Variants in CSGALNACT1 observed in about 807,000 individuals in gnomAD.
CSGALNACT1 encodes the protein beta4GalNAcT-1.
CSGALNACT1 carries 52 observed loss-of-function variants against 51.0 expected under a neutral mutation model. The ratio of observed to expected loss-of-function variants is 1.02; its 90% CI spans 0.82 to 1.29. The LOEUF (loss-of-function observed/expected upper bound fraction) is 1.29, where lower values mean the gene tolerates loss of function less well. Ranked by LOEUF, CSGALNACT1 falls within the 50% of genes most tolerant of loss-of-function variation. The pLI is 0.00. For synonymous variants in CSGALNACT1, 341 were observed against 254.4 expected, an observed-to-expected ratio of 1.34 and a Z score of -3.24; for missense variants, 935 against 679.2, an observed-to-expected ratio of 1.38 and a Z score of -4.19.
intron 3 of CSGALNACT1, among the ~76,000 whole-genome samples, chr8:19,507,528 G>GAAA (rs35759799): frequency 0.028 from 2,062 of 74,762 alleles, 280 homozygotes; most frequent in African/African-American, 0.11. Flanking sequence ...ATCTTAGCCA[G>GAAA]AAAAAAAAAA....
At chr8:19,442,935 G>A (rs887209853) in intron 5 of CSGALNACT1, among the ~76,000 whole-genome samples, 19 of 152,084 alleles carry the variant, frequency 1.2e-4, no homozygotes, top group African/African-American at 2.4e-5. Flanking sequence ...TGGCAAGGCA[G>A]AACAGTCACT....
At chr8:19,456,975 C>A (rs1323383671) in intron 5 of CSGALNACT1, among the ~76,000 whole-genome samples, 1 of 152,140 alleles carries the variant, frequency 6.6e-6, no homozygotes, top group East Asian at 1.9e-4. Context: ...ACCCACCAGG[C>A]AGAAAAGACA....
intron 1 of CSGALNACT1, among the ~76,000 whole-genome samples, chr8:19,625,109 T>C (rs993724969): frequency 5.3e-5 from 8 of 152,152 alleles, no homozygotes; most frequent in Non-Finnish European, 1.2e-4. Context: ...TCCATTCACA[T>C]TCCATTGGCC....
At chr8:19,459,232 A>G (rs1399530714) in intron 4 of CSGALNACT1, among the ~76,000 whole-genome samples, 1 of 151,936 alleles carries the variant, frequency 6.6e-6, no homozygotes, top group Non-Finnish European at 1.5e-5. Context: ...CTAATACAAA[A>G]GTTAGTAGAG....
At chr8:19,633,586 G>A (rs749299237) in intron 1 of CSGALNACT1, among the ~76,000 whole-genome samples, 2 of 152,218 alleles carry the variant, frequency 1.3e-5, no homozygotes, top group Non-Finnish European at 2.9e-5. Context: ...AGATGCAGCT[G>A]CAAAGCAAGG....
At chr8:19,606,127 G>A (rs528756864), upstream of CSGALNACT1, among the ~76,000 whole-genome samples, 38 of 152,160 alleles carry the variant, frequency 2.5e-4, no homozygotes, top group Non-Finnish European at 4.3e-4. Flanking sequence ...AAAATAAAAA[G>A]GCTAAAAACC....
chr8:19,461,985 C>T (rs1396215474), intron 4 of CSGALNACT1, among the ~76,000 whole-genome samples: 1 of 152,176 alleles, frequency 6.6e-6, no homozygotes, highest in African/African-American at 2.4e-5. Context: ...GATAGCTGCA[C>T]AGCAACGACA....
intron 9 of CSGALNACT1, among the ~76,000 whole-genome samples, chr8:19,407,563 T>C (rs1259047851): frequency 6.6e-6 from 1 of 152,172 alleles, no homozygotes; most frequent in Non-Finnish European, 1.5e-5. Flanking sequence ...GGGTGGCATT[T>C]CCAAGGGGGA....
At chr8:19,537,480 T>G (rs1209969045) in intron 3 of CSGALNACT1, among the ~76,000 whole-genome samples, 11 of 152,350 alleles carry the variant, frequency 7.2e-5, no homozygotes, top group South Asian at 6.2e-4. Context: ...TATTCATGAC[T>G]TATTATTCAA....
intron 6 of CSGALNACT1, among the ~76,000 whole-genome samples, chr8:19,427,046 T>A (rs919906909): frequency 2.6e-5 from 4 of 152,236 alleles, no homozygotes; most frequent in Non-Finnish European, 5.9e-5. Flanking sequence ...TGGAATACAG[T>A]GAAGAATTTA....
intron 3 of CSGALNACT1, among the ~76,000 whole-genome samples, chr8:19,542,800 T>C (rs1035271653): frequency 1.3e-5 from 2 of 152,172 alleles, no homozygotes; most frequent in African/African-American, 4.8e-5. Flanking sequence ...AATTCATAAG[T>C]TGTTTTAACG....
At chr8:19,676,096 C>CAAA (rs1172482716) in intron 1 of CSGALNACT1, among the ~76,000 whole-genome samples, 1 of 112,430 alleles carries the variant, frequency 8.9e-6, no homozygotes, top group African/African-American at 3.6e-5. Flanking sequence ...AAAAACAAAA[C>CAAA]AAAACAAAAA....
In CSGALNACT1 at chr8:19,638,015, C is replaced by T. The variant is rs538161546; in HGVS notation, c.-543-36150G>A. ...AGCAGTGGGTCCACTGAGCAGCTCA[C>T]TGGCTTTTGTCAACTGATATGAGGA... On this transcript the variant is annotated intron_variant, in intron 1 of 9. Coordinates refer to the CSGALNACT1 transcript ENST00000332246. Among the ~76,000 whole-genome samples the T allele has an allele frequency of 1.7e-3, 252 of 152,270 alleles. 3 individuals carry two copies. The highest frequency in any genetic ancestry group is 5.8e-3 in the African/African-American group (243 of 41,558).
chr8:19,640,217 A>G (rs2056582224), intron 1 of CSGALNACT1, among the ~76,000 whole-genome samples: 1 of 152,212 alleles, frequency 6.6e-6, no homozygotes, highest in Non-Finnish European at 1.5e-5. Flanking sequence ...CCAGCCACAC[A>G]TCAGTGTAAT....
intron 2 of CSGALNACT1, among the ~76,000 whole-genome samples, chr8:19,601,551 T>C (rs559787388): frequency 4.8e-4 from 73 of 152,338 alleles, no homozygotes; most frequent in Non-Finnish European, 9.7e-4. Flanking sequence ...TAGATGTAGA[T>C]GTAGATGTTA....
chr8:19,656,471 T>A (rs1467339646), intron 1 of CSGALNACT1, among the ~76,000 whole-genome samples: 2 of 151,966 alleles, frequency 1.3e-5, no homozygotes, highest in Non-Finnish European at 2.9e-5. Flanking sequence ...GAACCCACCT[T>A]CGATCTTGAC....
chr8:19,678,065 C>T (rs553447469), intron 1 of CSGALNACT1, among the ~76,000 whole-genome samples: 31 of 152,062 alleles, frequency 2.0e-4, no homozygotes, highest in African/African-American at 7.0e-4. Flanking sequence ...AGAATCGTGC[C>T]ACTGCATTCT....
chr8:19,407,427 C>G (rs1312178758), intron 9 of CSGALNACT1, among the ~76,000 whole-genome samples: 1 of 152,176 alleles, frequency 6.6e-6, no homozygotes, highest in South Asian at 2.1e-4. Flanking sequence ...CCCCCTGACT[C>G]CATCGCAGCT....
At chr8:19,537,723 A>G (rs1051060710) in intron 3 of CSGALNACT1, among the ~76,000 whole-genome samples, 7 of 152,210 alleles carry the variant, frequency 4.6e-5, no homozygotes, top group African/African-American at 1.2e-4. Flanking sequence ...CATCAACCTA[A>G]GTCTCACACC....
Sources: allele counts gnomAD v4.1 joint callset (sites outside exome capture counted in the v4.1 genomes callset), GRCh38; gene constraint gnomAD v4.1.1; transcripts MANE v1.5; gene names NCBI Gene and HGNC (gene_info 2026-07-23, HGNC 2026-07-21).